The following LRRTM3 variants were observed in gnomAD, a reference collection of about 807,000 sequenced individuals.
LRRTM3 encodes the protein leucine rich repeat transmembrane neuronal 3.
A neutral mutation model predicts 44.7 loss-of-function variants in LRRTM3; 24 were observed. That is an observed-to-expected ratio of 0.54 (90% CI 0.39 to 0.76). The LOEUF is 0.76. Among genes scored for constraint, LRRTM3 ranks in the 30% least tolerant of loss-of-function variants. LRRTM3 has a pLI of 0.00. For missense variants in LRRTM3, 587 were observed against 702.2 expected (o/e 0.84, Z 1.85); for synonymous variants, 277 against 278.7 (o/e 0.99, Z 0.06).
At chr10:66,960,788 C>A (rs1302181919) in intron 2 of LRRTM3, among the ~76,000 whole-genome samples, 1 of 152,034 alleles carries the variant, frequency 6.6e-6, no homozygotes, top group Non-Finnish European at 1.5e-5. Flanking sequence ...AGTTTTAATT[C>A]CACTTTGTGA....
In LRRTM3 at chr10:66,956,775, C is replaced by A. The variant is rs538765529; in HGVS notation, c.1536+28323C>A. Among the ~76,000 whole-genome samples the A allele has an allele frequency of 5.3e-5, 8 of 152,316 alleles. No individual in the cohort carries two copies. In the South Asian group the frequency reaches 1.7e-3, roughly 32 times the overall value. ...GATTTCAACTGAATTTGGCAAATCA[C>A]ACTCTAAGAGGAGCCAGAAAACTGA... On this transcript the variant is annotated intron_variant, in intron 2 of 2. Transcript: ENST00000361320.
At chr10:67,038,877 T>C (rs925221280) in intron 2 of LRRTM3, among the ~76,000 whole-genome samples, 5 of 152,032 alleles carry the variant, frequency 3.3e-5, no homozygotes, top group Non-Finnish European at 7.4e-5. Context: ...TAATAATACA[T>C]ACAAATTTAG....
chr10:66,945,306 A>T (rs1848221408), intron 2 of LRRTM3, among the ~76,000 whole-genome samples: 1 of 152,166 alleles, frequency 6.6e-6, no homozygotes, highest in East Asian at 1.9e-4. Context: ...CTTCCACTTC[A>T]AGCGTTGTGC....
chr10:67,006,980 C>G (rs191572608), intron 2 of LRRTM3, among the ~76,000 whole-genome samples: 1 of 151,878 alleles, frequency 6.6e-6, no homozygotes, highest in Non-Finnish European at 1.5e-5. Flanking sequence ...GTTTTTAGTA[C>G]AGATGGGGTT....
At chr10:67,061,869 C>A (rs554927822) in intron 2 of LRRTM3, among the ~76,000 whole-genome samples, 1 of 152,182 alleles carries the variant, frequency 6.6e-6, no homozygotes, top group East Asian at 1.9e-4. Context: ...GATAAAGAAT[C>A]AAGTTATGTT....
Position 66,926,331 on chromosome 10 carries a change from A to T in LRRTM3, c.-253A>T. On this transcript the variant is annotated 5_prime_UTR_variant, in exon 1 of 3. In the 5' UTR this introduces an upstream ATG that the reference lacks. Coordinates refer to ENST00000361320, the MANE Select transcript of LRRTM3 (RefSeq NM_178011.5). The stretch of plus-strand genomic sequence containing the variant: ...AGATGCAAAAACGTAATATCCATGA[A>T]GATCCTATTACCTAGGAAGATTTTG... 1 of 581,818 alleles carries T rather than the reference A, an allele frequency of 1.7e-6. No individual in the cohort carries two copies. Among genetic ancestry groups the T allele is most frequent in the Non-Finnish European group, 3.1e-6 (1 of 324,678 alleles). The allele number at this position is 581,818 out of a possible 1,614,324, so 36.0% of individuals were successfully genotyped here.
At chr10:67,058,420 G>T (rs750561179) in intron 2 of LRRTM3, among the ~76,000 whole-genome samples, 1 of 152,082 alleles carries the variant, frequency 6.6e-6, no homozygotes, top group Non-Finnish European at 1.5e-5. Flanking sequence ...ACAATTTCTG[G>T]CTGTAAATCA....
chr10:66,932,139 G>A (rs1847436098), intron 2 of LRRTM3, among the ~76,000 whole-genome samples: 1 of 152,024 alleles, frequency 6.6e-6, no homozygotes, highest in Non-Finnish European at 1.5e-5. Context: ...CTGAACACTG[G>A]TTCTATTAGG....
chr10:67,097,227 CTAA>C (rs771143474), intron 2 of LRRTM3, among the ~76,000 whole-genome samples: 7 of 151,552 alleles, frequency 4.6e-5, no homozygotes, highest in Non-Finnish European at 7.4e-5. Flanking sequence ...ATAATTAACA[CTAA>C]TAATAATAAT....
rs1265553720 is a variant in LRRTM3, at chr10:67,097,649, T to C, written c.1599T>C (p.Cys533=). Residue 533 remains cysteine, a synonymous_variant, in exon 3 of 3, where the codon TGT becomes TGC. Transcript: ENST00000361320. ...ACGACCAGCCCACAATAAGTTACTG[T>C]GGGGTGCATCATGAACTTCTCTCCC... is the stretch of plus-strand genomic sequence containing the variant. The part of the protein sequence containing the change: ...LAYDQPTISY[C]GVHHELLSHK... 1 of 1,612,666 alleles carries C rather than the reference T, an allele frequency of 6.2e-7. No homozygotes were observed. The highest frequency in any genetic ancestry group is 8.5e-7 in the Non-Finnish European group (1 of 1,179,022).
intron 2 of LRRTM3, among the ~76,000 whole-genome samples, chr10:66,988,846 C>T (rs1444119018): frequency 6.6e-6 from 1 of 151,806 alleles, no homozygotes; most frequent in East Asian, 1.9e-4. Context: ...AAACTCTGCC[C>T]TCCTCCCTGT....
At chr10:67,089,923 C>A (rs1439702515) in intron 2 of LRRTM3, among the ~76,000 whole-genome samples, 1 of 151,978 alleles carries the variant, frequency 6.6e-6, no homozygotes, top group Non-Finnish European at 1.5e-5. Context: ...ACTTCTGCAG[C>A]ACCTGCCTAG....
chr10:67,018,303 G>A (rs1055699003), intron 2 of LRRTM3, among the ~76,000 whole-genome samples: 5 of 151,972 alleles, frequency 3.3e-5, no homozygotes, highest in Admixed American at 6.6e-5. Flanking sequence ...TTTACTCTTC[G>A]CTTTCACCCA....
chr10:67,072,859 C>T (rs1373864693), intron 2 of LRRTM3, among the ~76,000 whole-genome samples: 2 of 78,242 alleles, frequency 2.6e-5, no homozygotes, highest in African/African-American at 1.4e-4. Context: ...TTATTTCCTA[C>T]TAAAATTCTA....
chr10:67,043,121 G>C (rs1363674778), intron 2 of LRRTM3, among the ~76,000 whole-genome samples: 1 of 139,162 alleles, frequency 7.2e-6, no homozygotes, highest in Middle Eastern at 3.3e-3. Flanking sequence ...CATGCCTCAA[G>C]GCTCACTTTC....
At chr10:66,957,922 T>C (rs1218797100) in intron 2 of LRRTM3, among the ~76,000 whole-genome samples, 3 of 152,006 alleles carry the variant, frequency 2.0e-5, no homozygotes, top group South Asian at 2.1e-4. Flanking sequence ...ACCCTACATA[T>C]GGCCAAATGC....
At chr10:66,944,472 T>C (rs1003706368) in intron 2 of LRRTM3, among the ~76,000 whole-genome samples, 7 of 152,188 alleles carry the variant, frequency 4.6e-5, no homozygotes, top group Non-Finnish European at 4.4e-5. Flanking sequence ...TCCATGAGGG[T>C]TGGAATCAAC....
chr10:66,931,924 G>A (rs1036705731), intron 2 of LRRTM3, among the ~76,000 whole-genome samples: 8 of 152,120 alleles, frequency 5.3e-5, no homozygotes, highest in African/African-American at 1.9e-4. Flanking sequence ...TCATCAGCAA[G>A]ATACATGTAA....
chr10:67,016,556 A>G (rs1283882416), intron 2 of LRRTM3, among the ~76,000 whole-genome samples: 3 of 152,108 alleles, frequency 2.0e-5, no homozygotes, highest in Non-Finnish European at 4.4e-5. Flanking sequence ...CTACCATTCT[A>G]GAGTCTCAGG....
Sources: allele counts gnomAD v4.1 joint callset (sites outside exome capture counted in the v4.1 genomes callset), GRCh38; gene constraint gnomAD v4.1.1; transcripts MANE v1.5; gene names NCBI Gene and HGNC (gene_info 2026-07-23, HGNC 2026-07-21).